PKD1L3: variants seen among roughly 807,000 people sequenced by gnomAD.
PKD1L3 encodes the protein polycystin 1 like 3, transient receptor potential channel interacting, also known as polycystin-1-like protein 3.
A neutral mutation model predicts 184.1 loss-of-function variants in PKD1L3; 239 were observed. The observed-to-expected ratio is 1.30, with a 90% CI of 1.17 to 1.45. The LOEUF is 1.45. Among genes scored for constraint, PKD1L3 ranks in the 40% most tolerant of loss-of-function variants. The pLI is 0.00. For synonymous variants in PKD1L3, 996 were observed against 778.8 expected (o/e 1.28, Z -4.64); for missense variants, 2,660 against 2,067.2 (o/e 1.29, Z -5.56).
At chr16:71,949,666 T>TG (rs2038753322) in intron 21 of PKD1L3, 117 bp downstream of exon 21, 1 of 972,798 alleles carries the variant, frequency 1.0e-6, no homozygotes, top group Non-Finnish European at 1.5e-6. Context: ...TTTGCCTATT[T>TG]GTTTTTTGTT....
At position 71,982,223 on chromosome 16, in the gene PKD1L3, T is replaced by A; in HGVS notation, c.979A>T (p.Asn327Tyr). ...TCCTCACTCAGGTAAATAAGGGAAT[T>A]GATGAGATTAACCTGGGAGGATTAG... is the stretch of plus-strand genomic sequence containing the variant. ...FSKPAQVNLI[N>Y]SLIYLSEELL... is the part of the protein sequence containing the mutation. Residue 327 changes from asparagine to tyrosine, a missense_variant, in exon 7 of 30, where the codon AAT becomes TAT. Asn to Tyr is a moderately radical substitution (Grantham distance 143, BLOSUM62 -2). Transcript: ENST00000620267. 2 of 1,542,858 alleles carry A rather than the reference T, an allele frequency of 1.3e-6. No individual in the cohort carries two copies. Among genetic ancestry groups the A allele is most frequent in the African/African-American group, 1.4e-5 (1 of 72,470 alleles).
chr16:71,961,941 C>T (rs766686277), intron 16 of PKD1L3, among the ~76,000 whole-genome samples: 10 of 152,160 alleles, frequency 6.6e-5, no homozygotes, highest in Admixed American at 5.2e-4. Flanking sequence ...AATGTAAGGA[C>T]GTGGTGTTTG....
At chr16:71,978,173 C>T (rs8053841) in intron 10 of PKD1L3, 82 bp downstream of exon 10, 1,100,071 of 1,415,064 alleles carry the variant, frequency 0.78, 429,500 homozygotes, top group South Asian at 0.86. Context: ...TAACATAATT[C>T]CCTTTAAGTT....
In PKD1L3 at chr16:71,933,498, G is replaced by A. The variant is rs771994552; in HGVS notation, c.4848C>T (p.Ser1616=). ...AIAFNLLFGC[S]ISDYRTFFSS... ...TGAAAAATGTCCGGTAGTCAGAGAT[G>A]CTGCATCCAAACAGCAGGTTAAACT... The change falls in exon 28 of 30, where the codon AGC becomes AGT. Residue 1616 remains serine (S), a synonymous_variant. Transcript: ENST00000620267. The A allele has an allele frequency of 2.2e-5, 34 of 1,551,572 alleles. No individual in the cohort carries two copies. The highest frequency in any genetic ancestry group is 3.9e-5 in the Admixed American group (2 of 51,004).
At chr16:71,964,959 G>GC (rs1567521043) in intron 15 of PKD1L3, among the ~76,000 whole-genome samples, 1 of 150,900 alleles carries the variant, frequency 6.6e-6, no homozygotes, top group African/African-American at 2.4e-5. Flanking sequence ...TGATTCTCCC[G>GC]CCTCAGCCCC....
intron 2 of PKD1L3, among the ~76,000 whole-genome samples, chr16:71,995,690 T>C (rs929542906): frequency 5.9e-5 from 9 of 152,370 alleles, no homozygotes; most frequent in African/African-American, 2.2e-4. Flanking sequence ...AGAGCTACAA[T>C]GAATAGCCTT....
chr16:71,983,632 T>G (rs1039938808), intron 6 of PKD1L3, among the ~76,000 whole-genome samples: 3 of 148,814 alleles, frequency 2.0e-5, no homozygotes, highest in African/African-American at 7.4e-5. Context: ...ATGCTAAGCT[T>G]GGCATAAGGC....
intron 22 of PKD1L3, among the ~76,000 whole-genome samples, chr16:71,945,777 A>C (rs1355799174): frequency 1.3e-5 from 2 of 152,110 alleles, no homozygotes; most frequent in African/African-American, 2.4e-5. Flanking sequence ...GTGAGCAAAT[A>C]AATCTCTCCA....
At chr16:71,983,560 A>G (rs1246128625) in intron 6 of PKD1L3, among the ~76,000 whole-genome samples, 1 of 152,034 alleles carries the variant, frequency 6.6e-6, no homozygotes, top group Non-Finnish European at 1.5e-5. Flanking sequence ...AATTTAATTC[A>G]TAACTTTCCA....
chr16:71,954,916 G>A (rs1025294321), intron 16 of PKD1L3, among the ~76,000 whole-genome samples: 5 of 152,208 alleles, frequency 3.3e-5, no homozygotes, highest in African/African-American at 1.2e-4. Context: ...GATTCACTGG[G>A]TGCAGAAAAG....
At chr16:71,984,796 T>G (rs1353678116) in intron 5 of PKD1L3, among the ~76,000 whole-genome samples, 1 of 152,046 alleles carries the variant, frequency 6.6e-6, no homozygotes, top group Non-Finnish European at 1.5e-5. Flanking sequence ...GAGGCAGAGG[T>G]TGCAGTGAGC....
intron 28 of PKD1L3, among the ~76,000 whole-genome samples, chr16:71,931,706 A>C (rs2037977128): frequency 6.6e-6 from 1 of 151,928 alleles, no homozygotes; most frequent in African/African-American, 2.4e-5. Context: ...TCAAGTGATC[A>C]GCCCCACCTT....
intron 10 of PKD1L3, among the ~76,000 whole-genome samples, chr16:71,977,886 T>C (rs376846045): frequency 1.3e-5 from 2 of 152,178 alleles, no homozygotes; most frequent in Non-Finnish European, 2.9e-5. Context: ...GCTATTCTCC[T>C]GCCTCAGCCT....
intron 28 of PKD1L3, among the ~76,000 whole-genome samples, chr16:71,931,819 TCTTATA>T (rs2037982584): frequency 1.3e-5 from 2 of 152,160 alleles, no homozygotes; most frequent in South Asian, 4.1e-4. Flanking sequence ...TATACATCTC[TCTTATA>T]CTTGAAATAA....
chr16:71,949,681 A>T lies in PKD1L3; in HGVS notation c.3618+102T>A. On this transcript the variant is annotated intron_variant, in intron 21 of 29. Coordinates refer to ENST00000620267, the MANE Select transcript of PKD1L3 (RefSeq NM_181536.2). ...TTTGCCTATTTGTTTTTTGTTGTTT[A>T]TGTTACATTGTCAAAACCACTAGGC... 8 of 1,088,086 alleles carry T rather than the reference A, an allele frequency of 7.4e-6. No homozygotes were observed. The South Asian group carries it at 1.1e-4, about 15-fold the overall frequency. The allele number at this position is 1,088,086 out of a possible 1,614,324, so 67.4% of individuals were successfully genotyped here.
chr16:71,969,574 A>C, intron 13 of PKD1L3, among the ~76,000 whole-genome samples: 1 of 149,178 alleles, frequency 6.7e-6, no homozygotes, highest in South Asian at 2.1e-4. Flanking sequence ...GGCCTCCCCA[A>C]GTGTTGGAAT....
Position 71,984,094 on chromosome 16 carries a change from G to A in PKD1L3, c.908C>T (p.Ala303Val). ...GLQALNKLQE[A>V]CEFLQKLTAL... The stretch of plus-strand genomic sequence containing the variant: ...TGTTAGTTTCTGGAGGAACTCACAA[G>A]CTTCCTGTAGTTTGTTAAGAGCTTG... The change falls in exon 6 of 30, where the codon GCT becomes GTT. Residue 303 changes from alanine to valine, a missense_variant. Transcript: ENST00000620267. The A allele has an allele frequency of 1.9e-6, 3 of 1,552,148 alleles. No homozygotes were observed. Among genetic ancestry groups the A allele is most frequent in the Non-Finnish European group, 2.6e-6 (3 of 1,147,066 alleles).
At chr16:71,971,939 G>A (rs532692866) in intron 12 of PKD1L3, among the ~76,000 whole-genome samples, 9 of 152,198 alleles carry the variant, frequency 5.9e-5, no homozygotes, top group East Asian at 3.9e-4. Context: ...TAATTAGGCC[G>A]GGCACGGTGG....
At chr16:71,934,677 A>C (rs1380027569) in intron 26 of PKD1L3, among the ~76,000 whole-genome samples, 1 of 152,206 alleles carries the variant, frequency 6.6e-6, no homozygotes, top group Non-Finnish European at 1.5e-5. Context: ...AGGTTGCAGC[A>C]ACCAGGTTAC....
Sources: allele counts gnomAD v4.1 joint callset (sites outside exome capture counted in the v4.1 genomes callset), GRCh38; gene constraint gnomAD v4.1.1; transcripts MANE v1.5; gene names NCBI Gene and HGNC (gene_info 2026-07-23, HGNC 2026-07-21).